The following DST variants were observed in gnomAD, a reference collection of about 807,000 sequenced individuals.
DST encodes the protein dystonin.
A neutral mutation model predicts 875.2 loss-of-function variants in DST; 253 were observed. That is an observed-to-expected ratio of 0.29 (90% CI 0.26 to 0.32). DST has a LOEUF of 0.32. Among genes scored for constraint, DST ranks in the 10% least tolerant of loss-of-function variants. The pLI is 1.00. For synonymous variants in DST, 3,124 were observed against 3,197.1 expected (o/e 0.98, Z 0.77); for missense variants, 8,287 against 9,111.6 (o/e 0.91, Z 3.68).
chr6:56,859,006 G>A (rs79790564), intron 3 of DST, among the ~76,000 whole-genome samples: 5,357 of 152,156 alleles, frequency 0.035, 333 homozygotes, highest in African/African-American at 0.12. Flanking sequence ...CTAAAATGTG[G>A]TCCTTGGCAC....
chr6:56,551,265 G>T (rs1168438431), intron 61 of DST, among the ~76,000 whole-genome samples: 1 of 152,112 alleles, frequency 6.6e-6, no homozygotes, highest in African/African-American at 2.4e-5. Flanking sequence ...AAAATAATTT[G>T]TGGTTTTATA....
rs1300494396 is a variant in DST, at chr6:56,779,639, G to A, written c.626-44350C>T. Reference sequence around the variant, plus strand: ...TTTCCCAGCACCATTTATTAAATAGGGAATCATTTCCCCATTTCTTGTTTT... The same window carrying A: ...TTTCCCAGCACCATTTATTAAATAGAGAATCATTTCCCCATTTCTTGTTTT... On this transcript the variant is annotated intron_variant, in intron 4 of 103. Transcript: ENST00000680361. 1.5e-4 allele frequency among the ~76,000 whole-genome samples: 23 copies of A among 151,748 alleles called. No homozygotes were observed. The East Asian group carries it at 4.4e-3, about 29-fold the overall frequency.
chr6:56,501,754 A>G (rs1195737464), intron 78 of DST, 61 bp from the exon 79 acceptor site: 1 of 1,245,464 alleles, frequency 8.0e-7, no homozygotes, highest in Admixed American at 2.4e-5. Flanking sequence ...CAAACAAAGA[A>G]ATCTATTGGT....
chr6:56,797,818 C>CAAAAAAA (rs34649685), intron 4 of DST, among the ~76,000 whole-genome samples: 1 of 60,858 alleles, frequency 1.6e-5, no homozygotes, highest in African/African-American at 5.9e-5. Context: ...AACTCCGTCT[C>CAAAAAAA]AAAAAAAAAA....
chr6:56,553,697 T>C (rs756009236), intron 60 of DST, 42 bp from the exon 61 acceptor site: 3 of 1,547,424 alleles, frequency 1.9e-6, no homozygotes, highest in African/African-American at 1.4e-5. Context: ...TACATCAAAA[T>C]GTTAATTTAA....
intron 9 of DST, chr6:56,692,527 C>G (rs1313123866): frequency 6.2e-6 from 8 of 1,289,596 alleles, no homozygotes; most frequent in Non-Finnish European, 8.1e-6. Flanking sequence ...ACTGCTATAA[C>G]TTTTTGGTGG....
At chr6:56,887,884 T>C (rs1376751409) in intron 3 of DST, among the ~76,000 whole-genome samples, 2 of 152,112 alleles carry the variant, frequency 1.3e-5, no homozygotes, top group Non-Finnish European at 2.9e-5. Context: ...CACATTCTTG[T>C]GCCCCTGTGC....
intron 4 of DST, among the ~76,000 whole-genome samples, chr6:56,759,556 ATAT>A (rs1342581822): frequency 6.6e-6 from 1 of 152,296 alleles, no homozygotes; most frequent in African/African-American, 2.4e-5. Flanking sequence ...AATTTATTTG[ATAT>A]TATTAACTGC....
intron 4 of DST, among the ~76,000 whole-genome samples, chr6:56,839,799 G>A (rs2099797857): frequency 1.3e-5 from 2 of 152,124 alleles, no homozygotes; most frequent in Admixed American, 6.6e-5. Flanking sequence ...GCCCTAATGA[G>A]AGAAGAAACT....
At chr6:56,878,700 C>T (rs1019031909) in intron 3 of DST, among the ~76,000 whole-genome samples, 7 of 152,192 alleles carry the variant, frequency 4.6e-5, no homozygotes, top group Non-Finnish European at 8.8e-5. Context: ...CCCTTGTCCC[C>T]TAATCCCCTC....
rs969110886 is a variant in DST, at chr6:56,742,355, G to A, written c.626-7066C>T. 4 of 1,289,728 alleles carry A rather than the reference G, an allele frequency of 3.1e-6. No individual in the cohort carries two copies. The African/African-American group carries it at 4.5e-5, about 15-fold the overall frequency. 79.9% of individuals were successfully genotyped at this position (1,289,728 alleles called of 1,614,324 possible). A position where few individuals can be genotyped will look rare whatever the true frequency, so the allele number is the denominator to read the frequency against. Reference sequence around the variant, plus strand: ...TGCCCCATCATTCTGCAGGAAATCTGTGCAGCAGTTCCCTAAACTCTCTCC... The same window carrying A: ...TGCCCCATCATTCTGCAGGAAATCTATGCAGCAGTTCCCTAAACTCTCTCC... On this transcript the variant is annotated intron_variant, in intron 4 of 103. Coordinates refer to ENST00000680361, the MANE Select transcript of DST (RefSeq NM_001374736.1).
intron 10 of DST, among the ~76,000 whole-genome samples, chr6:56,670,234 T>G (rs1476541736): frequency 6.6e-6 from 1 of 152,046 alleles, no homozygotes; most frequent in African/African-American, 2.4e-5. Flanking sequence ...TAAATTTTTT[T>G]TTTTATTTTC....
At chr6:56,837,189 A>G (rs1223841542) in intron 4 of DST, among the ~76,000 whole-genome samples, 3 of 152,204 alleles carry the variant, frequency 2.0e-5, no homozygotes, top group African/African-American at 7.2e-5. Context: ...CCATTTAACT[A>G]CCAAGAAAGG....
intron 3 of DST, chr6:56,864,100 C>T (rs1772756716): frequency 6.6e-6 from 1 of 152,236 alleles, no homozygotes; most frequent in Non-Finnish European, 1.5e-5. Context: ...GGTGGGCCTT[C>T]TCCAATCAGG....
At chr6:56,578,647 C>T (rs914083315) in intron 50 of DST, among the ~76,000 whole-genome samples, 167 bp downstream of exon 50, 2 of 152,152 alleles carry the variant, frequency 1.3e-5, no homozygotes, top group Admixed American at 1.3e-4. Context: ...TTCTAATATA[C>T]CTGCCAAAGA....
chr6:56,584,540 C>A (rs868752019), intron 49 of DST, among the ~76,000 whole-genome samples: 10 of 150,654 alleles, frequency 6.6e-5, no homozygotes, highest in Non-Finnish European at 1.5e-4. Context: ...TGCCTGCAAA[C>A]AGGGACAATT....
chr6:56,592,299 A>G lies in DST; in HGVS notation c.12786T>C (p.Asp4262=), dbSNP rs2098291161. Residue 4262 remains aspartate, a synonymous_variant, in exon 49 of 104, where the codon GAT becomes GAC. Coordinates refer to ENST00000680361, the MANE Select transcript of DST (RefSeq NM_001374736.1). ...DLVDKYQHYE[D]ASCGLLAGLQ... The stretch of plus-strand genomic sequence containing the variant: ...GTCCAGCAAGAAGTCCACATGAAGC[A>G]TCTTCATAGTGTTGATATTTATCCA... 2 of 1,609,952 alleles carry G rather than the reference A, an allele frequency of 1.2e-6. No homozygotes were observed. Among genetic ancestry groups the G allele is most frequent in the Non-Finnish European group, 8.5e-7 (1 of 1,177,648 alleles).
At chr6:56,887,659 C>A (rs1785250636) in intron 3 of DST, among the ~76,000 whole-genome samples, 1 of 152,032 alleles carries the variant, frequency 6.6e-6, no homozygotes, top group Non-Finnish European at 1.5e-5. Context: ...TTATTTAAGA[C>A]AACAGGTTGT....
Position 56,560,432 on chromosome 6 carries a change from G to A in DST, c.14311-9C>T. The A allele has an allele frequency of 6.3e-7, 1 of 1,580,094 alleles. No individual in the cohort carries two copies. The highest frequency in any genetic ancestry group is 1.2e-5 in the South Asian group (1 of 86,562). Reference sequence around the variant, plus strand: ...AGTTCTGCCTCAAACGACTAACAAGGGAAAAATAATAATAAATCATGTGTA... The same window carrying A: ...AGTTCTGCCTCAAACGACTAACAAGAGAAAAATAATAATAAATCATGTGTA... On this transcript the variant is annotated splice_polypyrimidine_tract_variant and intron_variant, in intron 57 of 103. Transcript: ENST00000680361.
Sources: allele counts gnomAD v4.1 joint callset (sites outside exome capture counted in the v4.1 genomes callset), GRCh38; gene constraint gnomAD v4.1.1; transcripts MANE v1.5; gene names NCBI Gene and HGNC (gene_info 2026-07-23, HGNC 2026-07-21).